CHD7: variants seen among roughly 807,000 people sequenced by gnomAD.
CHD7 encodes the protein chromodomain helicase DNA binding protein 7.
A neutral mutation model predicts 307.3 loss-of-function variants in CHD7; 24 were observed. The observed-to-expected ratio is 0.08, with a 90% confidence interval of 0.06 to 0.11. The LOEUF is 0.11. Ranked by LOEUF, CHD7 falls within the 10% of genes least tolerant of loss-of-function variation. CHD7 has a pLI of 1.00. For missense variants in CHD7, 3,106 were observed against 3,727.1 expected (o/e 0.83, Z 4.34); for synonymous variants, 1,363 against 1,349.9 (o/e 1.01, Z -0.21).
intron 3 of CHD7, among the ~76,000 whole-genome samples, chr8:60,787,821 TTTTC>T (rs1291365002): frequency 1.5e-5 from 2 of 135,166 alleles, no homozygotes; most frequent in Non-Finnish European, 3.1e-5. Flanking sequence ...AACTTGTAGA[TTTTC>T]TTTCTTTTTT....
chr8:60,861,104 T>G lies in CHD7; in HGVS notation c.7809T>G (p.Val2603=). ...EWLKLHPTYT[V]DMPSYVPKNA... ...TGAAGCTGCACCCTACTTACACTGT[T>G]GATATGCCAAGTTATGTACCAGTGA... Residue 2603 remains valine, a synonymous_variant, in exon 35 of 38, where the codon GTT becomes GTG. Transcript: ENST00000423902. The G allele has an allele frequency of 6.3e-7, 1 of 1,597,164 alleles. No homozygotes were observed. Among genetic ancestry groups the G allele is most frequent in the Non-Finnish European group, 8.5e-7 (1 of 1,171,600 alleles).
At position 60,856,170 on chromosome 8, in the gene CHD7, G is replaced by A. The variant is rs878975068; in HGVS notation, c.7132G>A (p.Glu2378Lys). 1 of 1,602,178 alleles carries A rather than the reference G, an allele frequency of 6.2e-7. No individual in the cohort carries two copies. The highest frequency in any genetic ancestry group is 1.1e-5 in the South Asian group (1 of 88,734). Reference protein sequence around the residue: ...MVGQASISGSEDITTSPQLSK... With the variant: ...MVGQASISGSKDITTSPQLSK... ...CGGCCAAGCCAGCATTAGTGGGAGT[G>A]AGGACATCACTACGTCTCCTCAGTT... The change falls in exon 33 of 38, where the codon GAG becomes AAG. Residue 2378 changes from glutamate to lysine, a missense_variant. This residue lies in a region of CHD7 where 1,030 missense variants were observed against 1,165.4 expected (regional missense o/e 0.88). Transcript: ENST00000423902.
chr8:60,857,127 C>A (rs1381450660), intron 34 of CHD7, among the ~76,000 whole-genome samples: 3 of 152,234 alleles, frequency 2.0e-5, no homozygotes, highest in Non-Finnish European at 4.4e-5. Context: ...GTTGATTGCT[C>A]TCAGAAGAAC....
chr8:60,812,060 G>A (rs751599919), intron 7 of CHD7, among the ~76,000 whole-genome samples: 8 of 152,006 alleles, frequency 5.3e-5, no homozygotes, highest in Non-Finnish European at 1.0e-4. Context: ...TTTATCTTGG[G>A]TTATATGTTG....
chr8:60,812,390 C>T (rs1388469700), intron 7 of CHD7, among the ~76,000 whole-genome samples: 1 of 152,122 alleles, frequency 6.6e-6, no homozygotes, highest in Non-Finnish European at 1.5e-5. Context: ...TTTGGCCAGG[C>T]ACAGTGGCTC....
At chr8:60,761,299 G>A (rs1010782911) in intron 2 of CHD7, among the ~76,000 whole-genome samples, 35 of 136,300 alleles carry the variant, frequency 2.6e-4, no homozygotes, top group East Asian at 1.1e-3. Flanking sequence ...CAATGAGAAC[G>A]CATGGACACA....
rs749381782 is a variant in CHD7 at position 60,862,228 on chromosome 8, G to A, written c.7863G>A (p.Gln2621=). ...CAGATGTGCTGTTTTCCTCATTTCA[G>A]AAACCGAAACAGAAACGACATAGAT... ...KNADVLFSSF[Q]KPKQKRHRCR... The change falls in exon 36 of 38, where the codon CAG becomes CAA. Residue 2621 remains glutamine (Q), a synonymous_variant. Transcript: ENST00000423902. 1.0e-4 allele frequency: 162 copies of A among 1,610,882 alleles called. No homozygotes were observed. Among genetic ancestry groups the A allele is most frequent in the Admixed American group, 2.2e-4 (13 of 59,680 alleles).
chr8:60,702,637 G>A (rs1355553169), intron 1 of CHD7, among the ~76,000 whole-genome samples: 2 of 152,178 alleles, frequency 1.3e-5, no homozygotes. Flanking sequence ...TCTAGTTGCT[G>A]GTGAATAAAA....
chr8:60,766,494 C>T (rs574220866), intron 2 of CHD7, among the ~76,000 whole-genome samples: 1 of 152,242 alleles, frequency 6.6e-6, no homozygotes, highest in African/African-American at 2.4e-5. Flanking sequence ...CCAGGGTAGA[C>T]GGTAGGGCTA....
chr8:60,745,763 C>A (rs1486682244), intron 2 of CHD7, among the ~76,000 whole-genome samples: 1 of 152,054 alleles, frequency 6.6e-6, no homozygotes, highest in African/African-American at 2.4e-5. Context: ...ATATGTGGAC[C>A]CCAGCTCTAT....
chr8:60,760,072 T>C (rs1048992598), intron 2 of CHD7, among the ~76,000 whole-genome samples: 2 of 152,116 alleles, frequency 1.3e-5, no homozygotes, highest in Admixed American at 6.6e-5. Context: ...AGGGAAGAGG[T>C]AGACTGTTCA....
At chr8:60,828,859 T>G in intron 14 of CHD7, 53 bp downstream of exon 14, 1 of 1,511,944 alleles carries the variant, frequency 6.6e-7, no homozygotes, top group African/African-American at 1.4e-5. Flanking sequence ...GATTAGCCCA[T>G]GAAATGGCAA....
intron 1 of CHD7, among the ~76,000 whole-genome samples, chr8:60,698,457 G>A (rs1806597991): frequency 6.6e-6 from 1 of 152,192 alleles, no homozygotes; most frequent in African/African-American, 2.4e-5. Flanking sequence ...TATAATTAGA[G>A]GTTGGAGGAG....
At chr8:60,771,064 CA>C (rs747244965) in intron 2 of CHD7, among the ~76,000 whole-genome samples, 1 of 152,214 alleles carries the variant, frequency 6.6e-6, no homozygotes, top group Non-Finnish European at 1.5e-5. Context: ...GTGATAACTT[CA>C]CTGGTTGTCT....
intron 1 of CHD7, among the ~76,000 whole-genome samples, chr8:60,719,468 A>G (rs1201468309): frequency 2.6e-5 from 4 of 152,186 alleles, no homozygotes; most frequent in Non-Finnish European, 4.4e-5. Flanking sequence ...TTTTCTTGAA[A>G]TGGATATCAG....
At chr8:60,707,852 T>G (rs1007508708) in intron 1 of CHD7, among the ~76,000 whole-genome samples, 4 of 152,204 alleles carry the variant, frequency 2.6e-5, no homozygotes, top group African/African-American at 9.6e-5. Context: ...CGTTGTACCT[T>G]AAATACAATT....
intron 1 of CHD7, among the ~76,000 whole-genome samples, chr8:60,736,194 T>G (rs1808698395): frequency 6.6e-6 from 1 of 152,176 alleles, no homozygotes; most frequent in Admixed American, 6.5e-5. Flanking sequence ...ACTTCCTGAT[T>G]CTTTATCCAG....
chr8:60,742,845 G>A lies in CHD7; in HGVS notation c.1413G>A (p.Leu471=). 6.2e-7 allele frequency: 1 copy of A among 1,613,048 alleles called. No individual in the cohort carries two copies. The highest frequency in any genetic ancestry group is 1.1e-5 in the South Asian group (1 of 90,910). ...FIGMSSAPRE[L]TGHMRPNGCP... ...GCATGTCCTCGGCACCAAGGGAATT[G>A]ACTGGGCACATGAGGCCAAATGGTT... The change falls in exon 2 of 38, where the codon TTG becomes TTA. Residue 471 remains leucine (L), a synonymous_variant. Transcript: ENST00000423902.
chr8:60,838,548 C>G (rs574074584), intron 19 of CHD7, among the ~76,000 whole-genome samples: 2 of 152,180 alleles, frequency 1.3e-5, no homozygotes, highest in Non-Finnish European at 2.9e-5. Context: ...GATCCTGCTC[C>G]GTTGGCATCT....
Sources: allele counts gnomAD v4.1 joint callset (sites outside exome capture counted in the v4.1 genomes callset), GRCh38; gene constraint gnomAD v4.1.1; regional missense constraint gnomAD v4.1.1; transcripts MANE v1.5; gene names NCBI Gene and HGNC (gene_info 2026-07-23, HGNC 2026-07-21).